TBCE: variants seen among roughly 807,000 people sequenced by gnomAD.
The protein encoded by TBCE is tubulin-specific chaperone E.
TBCE carries 53 observed loss-of-function variants against 77.0 expected under a neutral mutation model. That is an observed-to-expected ratio of 0.69 (90% CI 0.55 to 0.87). TBCE has a LOEUF of 0.87. Ranked by LOEUF, TBCE falls within the 40% of genes least tolerant of loss-of-function variation. The probability of loss-of-function intolerance (pLI) is 0.00; values close to 1 mark genes in which losing one functional copy is unlikely to be tolerated. For missense variants in TBCE, 624 were observed against 622.4 expected (o/e 1.00, Z -0.03); for synonymous variants, 235 against 241.3 (o/e 0.97, Z 0.24).
Position 235,406,571 on chromosome 1 carries a change from G to A in TBCE, c.185+4984G>A, listed in dbSNP as rs142241112. ...TTTTGAGACGGAGTCTCACTCAGTCGCCCAGGCTGGAGTGCAGTTGCACCA... is the reference window on the plus strand; with the variant it reads ...TTTTGAGACGGAGTCTCACTCAGTCACCCAGGCTGGAGTGCAGTTGCACCA... On this transcript the variant is annotated intron_variant, in intron 3 of 16. Coordinates refer to ENST00000642610, the MANE Select transcript of TBCE (RefSeq NM_003193.5). Among the ~76,000 whole-genome samples the A allele has an allele frequency of 1.7e-4, 26 of 152,162 alleles. No homozygotes were observed. The East Asian group carries it at 4.3e-3, about 25-fold the overall frequency.
At chr1:235,393,304 C>T (rs559349914) in intron 2 of TBCE, among the ~76,000 whole-genome samples, 5 of 152,154 alleles carry the variant, frequency 3.3e-5, no homozygotes, top group African/African-American at 7.2e-5. Flanking sequence ...TTTGGGAGGC[C>T]GAGGTGGGTG....
chr1:235,398,829 G>A (rs993649918), intron 2 of TBCE, among the ~76,000 whole-genome samples: 31 of 151,068 alleles, frequency 2.1e-4, no homozygotes, highest in African/African-American at 7.3e-4. Context: ...AGTTTTTGTA[G>A]AGATGTGGTT....
chr1:235,405,481 G>A (rs1679369040), intron 3 of TBCE, among the ~76,000 whole-genome samples: 1 of 151,642 alleles, frequency 6.6e-6, no homozygotes, highest in African/African-American at 2.4e-5. Context: ...ACTAAAAACA[G>A]AAAAATTAGC....
intron 2 of TBCE, among the ~76,000 whole-genome samples, chr1:235,380,363 T>C (rs1428547775): frequency 6.6e-6 from 1 of 152,184 alleles, no homozygotes; most frequent in East Asian, 1.9e-4. Context: ...TTTAATTATA[T>C]GCCATTTAAT....
At chr1:235,371,709 G>A (rs1277453868) in intron 1 of TBCE, among the ~76,000 whole-genome samples, 2 of 151,756 alleles carry the variant, frequency 1.3e-5, no homozygotes, top group African/African-American at 4.8e-5. Context: ...TTTTGCTCTT[G>A]TCACCCAGGC....
intron 6 of TBCE, chr1:235,429,098 C>T (rs1042315684): frequency 1.3e-5 from 2 of 150,226 alleles, no homozygotes; most frequent in African/African-American, 2.5e-5. Context: ...AAGGGATTCT[C>T]CTGCCTCAGT....
rs534932970 is a variant in TBCE, at chr1:235,440,107, A to G, written c.1270+1185A>G. On this transcript the variant is annotated intron_variant, in intron 13 of 16. Coordinates refer to ENST00000642610, the MANE Select transcript of TBCE (RefSeq NM_003193.5). ...TGCCTCAGCCTCCCGAGTGGCTGGG[A>G]CTACAGGCGCCCACCACCACACCCG... is the stretch of plus-strand genomic sequence containing the variant. 4.6e-5 allele frequency among the ~76,000 whole-genome samples: 7 copies of G among 152,136 alleles called. No homozygotes were observed. The South Asian group carries it at 1.5e-3, about 32-fold the overall frequency.
chr1:235,422,543 G>T (rs114849525), intron 5 of TBCE, among the ~76,000 whole-genome samples: 1 of 149,198 alleles, frequency 6.7e-6, no homozygotes, highest in Admixed American at 6.7e-5. Flanking sequence ...AACAAAAAAC[G>T]GGGGGGCCAG....
At chr1:235,419,098 T>C (rs879892378) in intron 4 of TBCE, 2 of 321,826 alleles carry the variant, frequency 6.2e-6, no homozygotes, top group Admixed American at 8.7e-5. Flanking sequence ...TCCCAGCTAC[T>C]GGGGAGGCTG....
intron 2 of TBCE, among the ~76,000 whole-genome samples, chr1:235,397,303 G>A (rs1193758990): frequency 2.0e-5 from 3 of 150,422 alleles, no homozygotes; most frequent in Non-Finnish European, 2.9e-5. Context: ...CTGGGTTCAC[G>A]CCATTCTCCT....
intron 4 of TBCE, among the ~76,000 whole-genome samples, chr1:235,417,846 G>A (rs1041105860): frequency 2.6e-5 from 4 of 151,458 alleles, no homozygotes; most frequent in Non-Finnish European, 4.4e-5. Context: ...GTGTGATCTC[G>A]GCTCACTGCA....
intron 13 of TBCE, among the ~76,000 whole-genome samples, chr1:235,439,985 T>G (rs549671921): frequency 1.3e-5 from 2 of 151,722 alleles, no homozygotes; most frequent in South Asian, 4.2e-4. Flanking sequence ...TATATTTATT[T>G]TTTGAGACGG....
At chr1:235,422,999 C>T (rs1680484526) in intron 5 of TBCE, among the ~76,000 whole-genome samples, 1 of 152,192 alleles carries the variant, frequency 6.6e-6, no homozygotes, top group South Asian at 2.1e-4. Flanking sequence ...CGAAGATAAT[C>T]AAGTCATGAT....
intron 3 of TBCE, among the ~76,000 whole-genome samples, chr1:235,406,167 G>A (rs956378874): frequency 6.6e-6 from 1 of 152,088 alleles, no homozygotes; most frequent in African/African-American, 2.4e-5. Flanking sequence ...TCCATTTCAG[G>A]ATATTTATGG....
chr1:235,381,425 C>T (rs1048720752), intron 2 of TBCE, among the ~76,000 whole-genome samples: 1 of 151,932 alleles, frequency 6.6e-6, no homozygotes, highest in African/African-American at 2.4e-5. Context: ...TGGCTCACAC[C>T]TGTATTCCCA....
chr1:235,423,107 T>G (rs1680493129), intron 5 of TBCE, among the ~76,000 whole-genome samples: 1 of 152,102 alleles, frequency 6.6e-6, no homozygotes, highest in Admixed American at 6.6e-5. Context: ...CAGTCATCCT[T>G]TTTTGGGTTG....
chr1:235,436,737 G>C, intron 11 of TBCE, 129 bp downstream of exon 11: 1 of 924,456 alleles, frequency 1.1e-6, no homozygotes, highest in Non-Finnish European at 1.7e-6. Context: ...TCCTCAGAGT[G>C]AAACTCCTCA....
chr1:235,435,771 A>C lies in TBCE; in HGVS notation c.764A>C (p.Lys255Thr). Residue 255 changes from lysine to threonine, a missense_variant, in exon 9 of 17, where the codon AAG (lysine) becomes ACG (threonine). By Grantham distance (78) the Lys-to-Thr change is moderately conservative. Coordinates refer to ENST00000642610, the MANE Select transcript of TBCE (RefSeq NM_003193.5). ...ERPTDVLQTV[K>T]LLDLSSNQLI... Reference sequence around the variant, plus strand: ...CCAACAGATGTTCTCCAGACAGTCAAGTTATTAGATCTTTCCTCTAATCAA... The same window carrying C: ...CCAACAGATGTTCTCCAGACAGTCACGTTATTAGATCTTTCCTCTAATCAA... 1 of 1,614,180 alleles carries C rather than the reference A, an allele frequency of 6.2e-7. No individual in the cohort carries two copies.
intron 1 of TBCE, among the ~76,000 whole-genome samples, chr1:235,368,680 C>A (rs1189855039): frequency 1.3e-5 from 2 of 151,240 alleles, no homozygotes; most frequent in African/African-American, 4.9e-5. Context: ...ACCTCAGCCT[C>A]CCGAGTAGTT....
Sources: allele counts gnomAD v4.1 joint callset (sites outside exome capture counted in the v4.1 genomes callset), GRCh38; gene constraint gnomAD v4.1.1; transcripts MANE v1.5; gene names NCBI Gene and HGNC (gene_info 2026-07-23, HGNC 2026-07-21).